GSE1: variants seen among roughly 807,000 people sequenced by gnomAD.
GSE1 encodes genetic suppressor element 1.
In GSE1, 32 loss-of-function variants were observed where a neutral mutation model predicts 112.6. That is an observed-to-expected ratio of 0.28 (90% CI 0.21 to 0.38). The LOEUF (loss-of-function observed/expected upper bound fraction) is 0.38, where lower values mean the gene tolerates loss of function less well. Among genes scored for constraint, GSE1 ranks in the 10% least tolerant of loss-of-function variants. GSE1 has a pLI of 1.00. For missense variants in GSE1, 2,348 were observed against 1,699.2 expected (o/e 1.38, Z -6.71); for synonymous variants, 1,115 against 735.6 (o/e 1.52, Z -8.35).
chr16:85,381,786 A>G (rs541108092), intron 2 of GSE1, among the ~76,000 whole-genome samples: 31 of 152,206 alleles, frequency 2.0e-4, no homozygotes, highest in South Asian at 4.1e-4. Flanking sequence ...ATCACTCCTC[A>G]GGATGCTGTT....
chr16:85,422,647 G>T (rs962323090), intron 2 of GSE1, among the ~76,000 whole-genome samples: 10 of 152,086 alleles, frequency 6.6e-5, no homozygotes, highest in African/African-American at 1.2e-4. Context: ...CGTTCTGGCC[G>T]CAAGAAGCGG....
At chr16:85,634,199 G>A (rs919053302) in intron 2 of GSE1, 67 bp downstream of exon 2, 37 of 1,130,118 alleles carry the variant, frequency 3.3e-5, no homozygotes, top group Admixed American at 1.9e-4. Flanking sequence ...TCAGCCTCCC[G>A]CCTGCGGCGT....
intron 2 of GSE1, among the ~76,000 whole-genome samples, chr16:85,362,518 A>C (rs560526246): frequency 6.6e-6 from 1 of 152,358 alleles, no homozygotes; most frequent in African/African-American, 2.4e-5. Flanking sequence ...CTCAAGGTTC[A>C]GGACCTTCCC....
rs1454659166 is a variant in GSE1, at chr16:85,266,563, T to G, written c.2284-90900T>G. On this transcript the variant is annotated intron_variant, in intron 1 of 2. Coordinates refer to the GSE1 transcript ENST00000637419. ...GCTGAGGCTGATGGGTCTCCAACAC[T>G]GCCTGTCACCCAGCAGACAAGGGAT... Among the ~76,000 whole-genome samples the G allele has an allele frequency of 2.0e-5, 3 of 152,224 alleles. No homozygotes were observed. The East Asian group carries it at 5.8e-4, about 29-fold the overall frequency.
At chr16:85,278,552 T>G (rs1420123107) in intron 1 of GSE1, among the ~76,000 whole-genome samples, 1 of 152,206 alleles carries the variant, frequency 6.6e-6, no homozygotes, top group African/African-American at 2.4e-5. Flanking sequence ...CAGGGGTATA[T>G]TTTTACCCCA....
At chr16:85,578,246 C>T (rs552290802) in intron 1 of GSE1, among the ~76,000 whole-genome samples, 1 of 152,372 alleles carries the variant, frequency 6.6e-6, no homozygotes, top group African/African-American at 2.4e-5. Flanking sequence ...CGGCTTCCCC[C>T]AGGTTTTATG....
chr16:85,376,314 C>T (rs1017114586), intron 2 of GSE1, among the ~76,000 whole-genome samples: 1 of 152,182 alleles, frequency 6.6e-6, no homozygotes, highest in Non-Finnish European at 1.5e-5. Flanking sequence ...CTCGGTTAGT[C>T]CTGGGGAGGT....
chr16:85,565,197 C>A (rs191950576), intron 1 of GSE1, among the ~76,000 whole-genome samples: 5 of 152,138 alleles, frequency 3.3e-5, no homozygotes, highest in African/African-American at 1.2e-4. Context: ...CAAGACCAGC[C>A]TGACCAACAT....
At chr16:85,332,631 A>G (rs113896719) in intron 1 of GSE1, among the ~76,000 whole-genome samples, 2,896 of 151,642 alleles carry the variant, frequency 0.019, 100 homozygotes, top group African/African-American at 0.066. Context: ...ACCCTGCAGG[A>G]CTCTCCTTCT....
chr16:85,395,611 C>T (rs748932903), intron 2 of GSE1, among the ~76,000 whole-genome samples: 1 of 152,212 alleles, frequency 6.6e-6, no homozygotes, highest in East Asian at 1.9e-4. Context: ...CTCGCCACAG[C>T]GGCTCCAGAC....
intron 1 of GSE1, among the ~76,000 whole-genome samples, chr16:85,556,871 C>T (rs534161713): frequency 2.0e-5 from 3 of 152,058 alleles, no homozygotes; most frequent in East Asian, 1.9e-4. Flanking sequence ...CTGGGATTCC[C>T]TGGAAGGTTT....
chr16:85,579,209 G>A (rs930702021), intron 1 of GSE1, among the ~76,000 whole-genome samples: 1 of 152,122 alleles, frequency 6.6e-6, no homozygotes, highest in East Asian at 1.9e-4. Flanking sequence ...GGGTGGAGGG[G>A]ACCCTCCCCT....
chr16:85,351,561 G>T (rs1291383749), intron 1 of GSE1, among the ~76,000 whole-genome samples: 8 of 151,842 alleles, frequency 5.3e-5, no homozygotes, highest in Non-Finnish European at 1.0e-4. Context: ...GTTTCTTTTG[G>T]GGGTGATGAA....
chr16:85,416,478 G>A (rs2048705522), intron 2 of GSE1, among the ~76,000 whole-genome samples: 1 of 152,146 alleles, frequency 6.6e-6, no homozygotes, highest in African/African-American at 2.4e-5. Flanking sequence ...GGTGCTTTCT[G>A]CCCAGCTCCT....
intron 2 of GSE1, among the ~76,000 whole-genome samples, chr16:85,408,784 C>G (rs1206640814): frequency 1.8e-5 from 1 of 54,348 alleles, no homozygotes; most frequent in East Asian, 7.3e-4. Flanking sequence ...ACTCAGGGTC[C>G]CTCTGATAAT....
In GSE1 at chr16:85,648,735, G is replaced by T. The variant is rs762078512; in HGVS notation, c.410G>T (p.Arg137Met). Reference protein sequence around the residue: ...APTKTVNGVWRSESRQDAGSR... With the variant: ...APTKTVNGVWMSESRQDAGSR... ...ACCAAAACCGTGAATGGTGTCTGGA[G>T]GAGTGAGAGCCGGCAGGTGAGTGGG... The change falls in exon 3 of 16, where the codon AGG becomes ATG. Residue 137 changes from arginine (R) to methionine (M), a missense_variant. By Grantham distance (91) the Arg-to-Met change is moderately conservative (BLOSUM62 -1). Transcript: ENST00000253458. 1.9e-5 allele frequency: 31 copies of T among 1,593,324 alleles called. No homozygotes were observed. The highest frequency in any genetic ancestry group is 2.6e-5 in the Non-Finnish European group (31 of 1,170,948).
At chr16:85,214,691 C>T (rs971667477) in intron 1 of GSE1, among the ~76,000 whole-genome samples, 1 of 152,160 alleles carries the variant, frequency 6.6e-6, no homozygotes, top group Admixed American at 6.5e-5. Flanking sequence ...CCTCTGTGGC[C>T]CCGCCCGGTC....
chr16:85,499,603 G>A (rs1341331558), intron 2 of GSE1, among the ~76,000 whole-genome samples: 1 of 152,156 alleles, frequency 6.6e-6, no homozygotes, highest in Non-Finnish European at 1.5e-5. Flanking sequence ...ACCACACCCA[G>A]CAGAAAGTCG....
intron 2 of GSE1, among the ~76,000 whole-genome samples, chr16:85,441,739 TAGAA>T (rs1448062673): frequency 2.0e-5 from 3 of 152,168 alleles, no homozygotes; most frequent in East Asian, 1.9e-4. Flanking sequence ...GCTGTTGTGA[TAGAA>T]GGAAGGATCA....
Sources: allele counts gnomAD v4.1 joint callset (sites outside exome capture counted in the v4.1 genomes callset), GRCh38; gene constraint gnomAD v4.1.1; transcripts MANE v1.5; gene names NCBI Gene and HGNC (gene_info 2026-07-23, HGNC 2026-07-21).